The following ASTN2 variants were observed in gnomAD, a reference collection of about 807,000 sequenced individuals.
ASTN2 encodes the protein astrotactin-2.
ASTN2 carries 54 observed loss-of-function variants against 139.8 expected under a neutral mutation model. That is an observed-to-expected ratio of 0.39 (90% CI 0.31 to 0.48). The LOEUF (loss-of-function observed/expected upper bound fraction) is 0.48. ASTN2 is among the 20% of genes least tolerant of loss of function. ASTN2 has a pLI of 0.95. For missense variants in ASTN2, 1,565 were observed against 1,725.1 expected (o/e 0.91, Z 1.64); for synonymous variants, 756 against 719.5 (o/e 1.05, Z -0.81).
At chr9:116,930,817 C>A (rs1431296476) in intron 10 of ASTN2, among the ~76,000 whole-genome samples, 1 of 152,146 alleles carries the variant, frequency 6.6e-6, no homozygotes, top group Non-Finnish European at 1.5e-5. Flanking sequence ...ACCTTTACAG[C>A]GTCTACTTCA....
At chr9:116,960,282 CA>C (rs2076880429) in intron 10 of ASTN2, among the ~76,000 whole-genome samples, 1 of 152,164 alleles carries the variant, frequency 6.6e-6, no homozygotes, top group African/African-American at 2.4e-5. Context: ...TTCCTGAGGC[CA>C]GGCTACTACC....
intron 16 of ASTN2, among the ~76,000 whole-genome samples, chr9:116,684,933 G>T (rs1207363864): frequency 2.0e-5 from 3 of 152,160 alleles, no homozygotes; most frequent in African/African-American, 7.2e-5. Flanking sequence ...AACTAACTTT[G>T]GGAGAAATTT....
At chr9:116,501,474 T>A (rs989133063) in intron 19 of ASTN2, among the ~76,000 whole-genome samples, 1 of 152,182 alleles carries the variant, frequency 6.6e-6, no homozygotes, top group African/African-American at 2.4e-5. Context: ...CCTTTGGGTA[T>A]ATACCCAGTA....
chr9:116,493,564 T>C (rs1449256322), intron 19 of ASTN2, among the ~76,000 whole-genome samples: 3 of 152,042 alleles, frequency 2.0e-5, no homozygotes, highest in African/African-American at 7.2e-5. Context: ...CAACAAAGCA[T>C]GGATCAATTT....
intron 3 of ASTN2, among the ~76,000 whole-genome samples, chr9:117,178,136 C>T (rs1189511736): frequency 7.9e-5 from 12 of 152,190 alleles, no homozygotes; most frequent in Admixed American, 6.5e-4. Flanking sequence ...CTTAGCAGTG[C>T]TTCATCCCTT....
At chr9:117,046,150 G>A (rs984782830) in intron 5 of ASTN2, among the ~76,000 whole-genome samples, 11 of 151,912 alleles carry the variant, frequency 7.2e-5, no homozygotes, top group Admixed American at 6.6e-5. Context: ...ATAGGCAAAC[G>A]CCACCACACC....
At chr9:117,025,877 C>T (rs557633385) in intron 6 of ASTN2, among the ~76,000 whole-genome samples, 2 of 151,518 alleles carry the variant, frequency 1.3e-5, no homozygotes, top group Non-Finnish European at 2.9e-5. Context: ...CTGCACCCTC[C>T]ACCTCCCAGG....
intron 16 of ASTN2, among the ~76,000 whole-genome samples, chr9:116,711,279 A>G (rs934668824): frequency 6.6e-6 from 1 of 152,204 alleles, no homozygotes; most frequent in Non-Finnish European, 1.5e-5. Context: ...TCAATGCCCC[A>G]TAACATTTTA....
chr9:116,917,099 G>T (rs973870917), intron 10 of ASTN2, among the ~76,000 whole-genome samples: 2 of 152,004 alleles, frequency 1.3e-5, no homozygotes, highest in African/African-American at 4.8e-5. Flanking sequence ...ACTGCACACA[G>T]TCTGTGCATG....
chr9:116,713,701 T>C (rs1003665837), intron 16 of ASTN2, among the ~76,000 whole-genome samples: 3 of 152,190 alleles, frequency 2.0e-5, no homozygotes, highest in Admixed American at 1.3e-4. Context: ...AGAGAAGGCA[T>C]GAGAGAATAC....
chr9:117,096,708 G>C (rs1296307158), intron 4 of ASTN2, among the ~76,000 whole-genome samples: 1 of 152,160 alleles, frequency 6.6e-6, no homozygotes, highest in Non-Finnish European at 1.5e-5. Flanking sequence ...CTAATTCATG[G>C]CTTCTGTTTA....
intron 17 of ASTN2, among the ~76,000 whole-genome samples, chr9:116,640,210 T>C (rs935865552): frequency 1.3e-5 from 2 of 152,138 alleles, no homozygotes; most frequent in Non-Finnish European, 2.9e-5. Context: ...AATTGAGAAA[T>C]AGACTAGGGT....
chr9:116,648,793 G>A (rs1415765138), intron 17 of ASTN2, among the ~76,000 whole-genome samples: 1 of 152,110 alleles, frequency 6.6e-6, no homozygotes, highest in African/African-American at 2.4e-5. Context: ...CAGCACTTTG[G>A]GAGGCTGAGG....
chr9:116,660,168 G>GCACACACACA (rs3041004), intron 16 of ASTN2, among the ~76,000 whole-genome samples: 1,916 of 146,646 alleles, frequency 0.013, 21 homozygotes, highest in Admixed American at 0.018. Context: ...TATTGCAAGC[G>GCACACACACA]CACACACACA....
chr9:117,288,387 G>A (rs888214842), intron 2 of ASTN2, among the ~76,000 whole-genome samples: 5 of 152,158 alleles, frequency 3.3e-5, no homozygotes, highest in African/African-American at 1.2e-4. Context: ...GTCAAAAGGG[G>A]ATGGAGTGCA....
intron 2 of ASTN2, among the ~76,000 whole-genome samples, chr9:117,220,755 T>A (rs998349692): frequency 6.6e-6 from 1 of 152,176 alleles, no homozygotes; most frequent in African/African-American, 2.4e-5. Flanking sequence ...CATGAAAGAA[T>A]AAATTTCTCA....
chr9:117,035,936 C>T (rs1009865593), intron 6 of ASTN2, among the ~76,000 whole-genome samples: 1 of 152,192 alleles, frequency 6.6e-6, no homozygotes, highest in Non-Finnish European at 1.5e-5. Flanking sequence ...TCTATATTTT[C>T]TTGCCTTGCC....
chr9:117,130,868 A>T (rs1829811805), intron 4 of ASTN2, among the ~76,000 whole-genome samples: 1 of 152,206 alleles, frequency 6.6e-6, no homozygotes, highest in African/African-American at 2.4e-5. Context: ...CTATTCAGCC[A>T]CAGTTCCCCT....
chr9:117,253,067 T>C (rs1378374062), intron 2 of ASTN2, among the ~76,000 whole-genome samples: 2 of 152,184 alleles, frequency 1.3e-5, no homozygotes, highest in Admixed American at 6.5e-5. Flanking sequence ...ATAGATGATG[T>C]AGATTGTGTC....
Sources: allele counts gnomAD v4.1 joint callset (sites outside exome capture counted in the v4.1 genomes callset), GRCh38; gene constraint gnomAD v4.1.1; transcripts MANE v1.5; gene names NCBI Gene and HGNC (gene_info 2026-07-23, HGNC 2026-07-21).